FSTL4: variants seen among roughly 807,000 people sequenced by gnomAD.
FSTL4 encodes follistatin-related protein 4.
FSTL4 carries 28 observed loss-of-function variants against 78.2 expected under a neutral mutation model. The observed-to-expected ratio is 0.36, with a 90% CI of 0.27 to 0.49. The LOEUF (loss-of-function observed/expected upper bound fraction) is 0.49. Among genes scored for constraint, FSTL4 ranks in the 20% least tolerant of loss-of-function variants. The probability of loss-of-function intolerance (pLI) is 0.98; values close to 1 mark genes in which losing one functional copy is unlikely to be tolerated. For missense variants in FSTL4, 922 were observed against 1,084.9 expected (o/e 0.85, Z 2.11); for synonymous variants, 422 against 440.5 (o/e 0.96, Z 0.53).
At chr5:133,613,065 C>T (rs1240114171), upstream of FSTL4, among the ~76,000 whole-genome samples, 1 of 152,238 alleles carries the variant, frequency 6.6e-6, no homozygotes, top group African/African-American at 2.4e-5. Flanking sequence ...CATACAGGGG[C>T]AATCCCAAGT....
intron 3 of FSTL4, among the ~76,000 whole-genome samples, chr5:133,451,256 C>T (rs73280184): frequency 6.6e-5 from 10 of 152,166 alleles, no homozygotes; most frequent in African/African-American, 1.4e-4. Context: ...CTGCTGTTTA[C>T]GAAAGGAAAG....
intron 6 of FSTL4, among the ~76,000 whole-genome samples, chr5:133,254,894 G>A (rs995335591): frequency 6.6e-6 from 1 of 152,182 alleles, no homozygotes; most frequent in Admixed American, 6.5e-5. Flanking sequence ...CCTCACCTGC[G>A]CTGGCCACAT....
intron 3 of FSTL4, among the ~76,000 whole-genome samples, chr5:133,557,697 C>T (rs1759818716): frequency 1.3e-5 from 2 of 152,194 alleles, no homozygotes; most frequent in Non-Finnish European, 2.9e-5. Context: ...TGAAGGGGAA[C>T]CCCCAGAGAG....
chr5:133,671,316 A>T, the FSTL4 span, among the ~76,000 whole-genome samples: 1 of 152,148 alleles, frequency 6.6e-6, no homozygotes, highest in African/African-American at 2.4e-5. Flanking sequence ...AGGCCGCTCA[A>T]GTTTGGTATG....
rs1463552376 is a variant in FSTL4, at chr5:133,435,765, T to C, written c.161-34779A>G. On this transcript the variant is annotated intron_variant, in intron 3 of 15. Coordinates refer to ENST00000265342, the MANE Select transcript of FSTL4 (RefSeq NM_015082.2). The stretch of plus-strand genomic sequence containing the variant: ...ACAGTAATCACTGATATTGTGTTAT[T>C]TGGTACATAAAGCTCCATGACCACA... Among the ~76,000 whole-genome samples the C allele has an allele frequency of 2.6e-5, 4 of 152,218 alleles. 1 individual carries two copies. Among genetic ancestry groups the C allele is most frequent in the Non-Finnish European group, 5.9e-5 (4 of 68,044 alleles).
At chr5:133,394,480 G>A (rs1242480502) in intron 4 of FSTL4, among the ~76,000 whole-genome samples, 2 of 152,346 alleles carry the variant, frequency 1.3e-5, no homozygotes, top group African/African-American at 4.8e-5. Flanking sequence ...CCCGGACAGC[G>A]AGGGGCTTAG....
At chr5:133,320,256 A>G (rs1171670051) in intron 4 of FSTL4, among the ~76,000 whole-genome samples, 1 of 152,166 alleles carries the variant, frequency 6.6e-6, no homozygotes, top group Non-Finnish European at 1.5e-5. Flanking sequence ...TCCAGGATAG[A>G]TATTTTCCTA....
At chr5:133,353,458 C>G (rs1429954801) in intron 4 of FSTL4, among the ~76,000 whole-genome samples, 1 of 152,182 alleles carries the variant, frequency 6.6e-6, no homozygotes. Flanking sequence ...TTCCACACCC[C>G]CAAAAGAGGC....
At chr5:133,298,294 T>G (rs142739752) in intron 6 of FSTL4, among the ~76,000 whole-genome samples, 1 of 152,230 alleles carries the variant, frequency 6.6e-6, no homozygotes, top group East Asian at 1.9e-4. Context: ...CTGCAACACA[T>G]GGTGAGCCCT....
At chr5:133,819,472 C>T in the FSTL4 span, among the ~76,000 whole-genome samples, 1 of 152,214 alleles carries the variant, frequency 6.6e-6, no homozygotes, top group Non-Finnish European at 1.5e-5. Context: ...CTGGAACCCG[C>T]ACAAGGCTCT....
At chr5:133,465,292 T>C (rs537620373) in intron 3 of FSTL4, among the ~76,000 whole-genome samples, 3 of 152,330 alleles carry the variant, frequency 2.0e-5, no homozygotes, top group South Asian at 2.1e-4. Context: ...CTCAAGTTCT[T>C]ATGGCCTCTC....
intron 12 of FSTL4, among the ~76,000 whole-genome samples, chr5:133,219,762 G>C (rs113803578): frequency 3.9e-5 from 6 of 152,322 alleles, no homozygotes; most frequent in African/African-American, 1.4e-4. Context: ...TAGGATTTGA[G>C]AGAGTCCCTC....
the FSTL4 span, among the ~76,000 whole-genome samples, chr5:133,808,140 T>A: frequency 6.6e-6 from 1 of 152,242 alleles, no homozygotes; most frequent in Non-Finnish European, 1.5e-5. Flanking sequence ...CTTTTTAATA[T>A]AGTCAAATAT....
At chr5:133,462,923 T>A (rs1435434205) in intron 3 of FSTL4, among the ~76,000 whole-genome samples, 1 of 152,230 alleles carries the variant, frequency 6.6e-6, no homozygotes, top group East Asian at 1.9e-4. Context: ...GAGCTGCGCC[T>A]GGGCCAAGGT....
the FSTL4 span, among the ~76,000 whole-genome samples, chr5:133,837,027 A>T: frequency 2.0e-5 from 3 of 152,038 alleles, no homozygotes; most frequent in African/African-American, 7.2e-5. Flanking sequence ...TATCTTTTCA[A>T]ATATGGCTTC....
At chr5:133,423,986 C>G (rs1159037441) in intron 3 of FSTL4, among the ~76,000 whole-genome samples, 1 of 152,186 alleles carries the variant, frequency 6.6e-6, no homozygotes, top group Admixed American at 6.5e-5. Flanking sequence ...CACCAGCTTA[C>G]CACCAGGTGT....
Position 133,338,857 on chromosome 5 carries a change from T to G in FSTL4, c.410-22205A>C, listed in dbSNP as rs1029482785. ...TCCTGGCTCAGGTCATTTCTACCAC[T>G]GTGTCTCTTAGGGTGCCAGTTTCCC... On this transcript the variant is annotated intron_variant, in intron 4 of 15. Transcript: ENST00000265342. The surrounding 1 kb of genome is among the most constrained non-coding windows in gnomAD (Gnocchi z 4.0). 1.3e-5 allele frequency among the ~76,000 whole-genome samples: 2 copies of G among 152,096 alleles called. No individual in the cohort carries two copies.
At chr5:133,382,105 C>G (rs1755588134) in intron 4 of FSTL4, among the ~76,000 whole-genome samples, 1 of 152,174 alleles carries the variant, frequency 6.6e-6, no homozygotes. Flanking sequence ...GCAGGGTCTG[C>G]CCAGATACCC....
At chr5:133,722,678 G>A in the FSTL4 span, among the ~76,000 whole-genome samples, 2 of 152,024 alleles carry the variant, frequency 1.3e-5, no homozygotes, top group South Asian at 2.1e-4. Flanking sequence ...CTTATTTCTT[G>A]TGTCCCTGCA....
Sources: gnomAD v4.1 joint callset for allele counts (sites outside exome capture counted in the v4.1 genomes callset) on GRCh38, gnomAD v4.1.1 for gene constraint, Gnocchi (gnomAD v3.1) non-coding constraint, MANE v1.5 for transcripts, NCBI Gene and HGNC (gene_info 2026-07-23, HGNC 2026-07-21) for gene names.